Variants in AAK1 observed in about 807,000 individuals in gnomAD.
AAK1 encodes the protein AP2-associated protein kinase 1.
A neutral mutation model predicts 116.0 loss-of-function variants in AAK1; 37 were observed. That is an observed-to-expected ratio of 0.32 (90% CI 0.25 to 0.42). The LOEUF is 0.42. Ranked by LOEUF, AAK1 falls within the 10% of genes least tolerant of loss-of-function variation. The pLI is 1.00. For missense variants in AAK1, 919 were observed against 1,170.6 expected (o/e 0.79, Z 3.14); for synonymous variants, 458 against 439.9 (o/e 1.04, Z -0.51).
At chr2:69,612,954 G>GC (rs1327730962) in intron 2 of AAK1, among the ~76,000 whole-genome samples, 3 of 152,174 alleles carry the variant, frequency 2.0e-5, no homozygotes, top group Non-Finnish European at 4.4e-5. Context: ...GGGGAAAGCA[G>GC]CATTTTAACA....
rs1407817974 is a variant in AAK1 at position 69,519,108 on chromosome 2, G to A, written c.1343C>T (p.Thr448Ile). The change falls in exon 12 of 22, where the codon ACT becomes ATT. Residue 448 changes from threonine to isoleucine, a missense_variant. Thr to Ile is a moderately conservative substitution (Grantham distance 89, BLOSUM62 -1). Transcript: ENST00000409085. ...CTGAGCGGGCAGACCCTGGGCCTGA[G>A]TAGAAGGCGTCTGCTGTGGAGTGGG... is the stretch of plus-strand genomic sequence containing the variant. ...APPTPQQTPS[T>I]QAQGLPAQAQ... The A allele has an allele frequency of 3.9e-6, 6 of 1,554,594 alleles. No homozygotes were observed. The highest frequency in any genetic ancestry group is 4.4e-6 in the Non-Finnish European group (5 of 1,148,454).
At chr2:69,594,880 T>A in intron 2 of AAK1, 1 of 1,556,166 alleles carries the variant, frequency 6.4e-7, no homozygotes, top group South Asian at 1.1e-5. Flanking sequence ...CTTTGTAGTT[T>A]TAGCCTTTTT....
chr2:69,572,297 T>C (rs1306631039), intron 2 of AAK1, among the ~76,000 whole-genome samples: 2 of 152,162 alleles, frequency 1.3e-5, no homozygotes, highest in Admixed American at 6.5e-5. Flanking sequence ...TAAATTCTAA[T>C]ATTTTGTTCA....
chr2:69,596,217 T>C (rs985460015), intron 2 of AAK1, among the ~76,000 whole-genome samples: 13 of 147,724 alleles, frequency 8.8e-5, no homozygotes, highest in Non-Finnish European at 1.2e-4. Context: ...AGGAGTAATT[T>C]TGACTTTTTT....
chr2:69,510,759 C>T, intron 13 of AAK1, among the ~76,000 whole-genome samples: 1 of 152,044 alleles, frequency 6.6e-6, no homozygotes, highest in Non-Finnish European at 1.5e-5. Context: ...TGTGGCAACT[C>T]CTAAGAAAAT....
At chr2:69,559,644 A>T (rs926040862) in intron 2 of AAK1, among the ~76,000 whole-genome samples, 1 of 152,264 alleles carries the variant, frequency 6.6e-6, no homozygotes, top group African/African-American at 2.4e-5. Flanking sequence ...GTTTTGCTTT[A>T]TGCATAGACA....
intron 2 of AAK1, among the ~76,000 whole-genome samples, chr2:69,581,644 T>A (rs1253369887): frequency 6.6e-6 from 1 of 152,054 alleles, no homozygotes; most frequent in Non-Finnish European, 1.5e-5. Flanking sequence ...TGATAACAGG[T>A]TGAAAATTGA....
intron 2 of AAK1, among the ~76,000 whole-genome samples, chr2:69,557,405 G>A (rs13430628): frequency 0.042 from 6,343 of 150,366 alleles, 465 homozygotes; most frequent in African/African-American, 0.15. Context: ...GGGTTCAATC[G>A]ATCCTCCCAC....
chr2:69,478,707 G>C (rs753897495), intron 20 of AAK1: 57 of 380,290 alleles, frequency 1.5e-4, no homozygotes, highest in Middle Eastern at 7.6e-4. Flanking sequence ...TCCCACCTCA[G>C]CCTCCCAAAG....
At chr2:69,480,440 G>A (rs947140567) in intron 19 of AAK1, among the ~76,000 whole-genome samples, 2 of 152,036 alleles carry the variant, frequency 1.3e-5, no homozygotes, top group Non-Finnish European at 2.9e-5. Flanking sequence ...TGCTGGGAAC[G>A]GAACATCAAT....
chr2:69,642,990 G>A lies in AAK1; in HGVS notation c.51C>T (p.Gly17=), dbSNP rs1675813042. The A allele has an allele frequency of 1.9e-6, 3 of 1,611,568 alleles. No homozygotes were observed. The highest frequency in any genetic ancestry group is 1.7e-5 in the Admixed American group (1 of 59,666). The part of the protein sequence containing the change: ...SRREQGGSGL[G]SGSSGGGGST... Reference sequence around the variant, plus strand: ...TGCCCCCTCCTCCGCTGGAGCCGGAGCCCAGGCCAGAGCCGCCCTGCTCTC... The same window carrying A: ...TGCCCCCTCCTCCGCTGGAGCCGGAACCCAGGCCAGAGCCGCCCTGCTCTC... Residue 17 remains glycine (G), a synonymous_variant, in exon 2 of 22, where the codon GGC becomes GGT. Transcript: ENST00000409085.
chr2:69,576,488 C>T (rs1672321217), intron 2 of AAK1, among the ~76,000 whole-genome samples: 1 of 152,082 alleles, frequency 6.6e-6, no homozygotes, highest in Admixed American at 6.5e-5. Context: ...GCTCCTCTCC[C>T]TCCTCCCACC....
At chr2:69,590,290 G>A (rs1292716153) in intron 2 of AAK1, among the ~76,000 whole-genome samples, 1 of 152,172 alleles carries the variant, frequency 6.6e-6, no homozygotes, top group Admixed American at 6.5e-5. Context: ...ACTTTTCGTT[G>A]GTATTTTATC....
chr2:69,566,264 A>G (rs1671861975), intron 2 of AAK1, among the ~76,000 whole-genome samples: 1 of 152,218 alleles, frequency 6.6e-6, no homozygotes, highest in African/African-American at 2.4e-5. Flanking sequence ...GAGCACAGCA[A>G]AGCTTTTTCC....
chr2:69,626,097 C>T (rs959081723), intron 2 of AAK1, among the ~76,000 whole-genome samples: 11 of 152,108 alleles, frequency 7.2e-5, no homozygotes, highest in African/African-American at 1.7e-4. Context: ...CTTGAGTTCA[C>T]GACCTCACCC....
chr2:69,585,072 A>G (rs1157566237), intron 2 of AAK1, among the ~76,000 whole-genome samples: 1 of 152,180 alleles, frequency 6.6e-6, no homozygotes, highest in Non-Finnish European at 1.5e-5. Context: ...CCAAATTATC[A>G]TTTTGTAGAT....
intron 4 of AAK1, 84 bp from the exon 5 acceptor site, chr2:69,542,749 G>C (rs1670772555): frequency 6.7e-7 from 1 of 1,495,420 alleles, no homozygotes. Context: ...GGCGTCCAAA[G>C]AGAAGCAGTC....
intron 2 of AAK1, among the ~76,000 whole-genome samples, chr2:69,602,749 T>G (rs545323964): frequency 6.6e-6 from 1 of 152,298 alleles, no homozygotes; most frequent in South Asian, 2.1e-4. Context: ...ACTTCAGAGC[T>G]GTGCAGATCT....
chr2:69,471,048 T>C lies in AAK1; in HGVS notation c.*4821A>G. ...CACGTTTTTACTGCATAAGATATCT[T>C]CATGTACAACTGTATGCTTTGTCTT... On this transcript the variant is annotated 3_prime_UTR_variant, in exon 22 of 22. Transcript: ENST00000409085. 4.1e-6 allele frequency: 4 copies of C among 985,764 alleles called. No homozygotes were observed. In the South Asian group the frequency reaches 1.9e-4, roughly 46 times the overall value. The allele number at this position is 985,764 out of a possible 1,614,324, so 61.1% of individuals were successfully genotyped here. A position where few individuals can be genotyped will look rare whatever the true frequency, so the allele number is the denominator to read the frequency against.
Sources: allele counts gnomAD v4.1 joint callset (sites outside exome capture counted in the v4.1 genomes callset), GRCh38; gene constraint gnomAD v4.1.1; transcripts MANE v1.5; gene names NCBI Gene and HGNC (gene_info 2026-07-23, HGNC 2026-07-21).